The following SRGAP2C variants were observed in gnomAD, a reference collection of about 807,000 sequenced individuals.
SRGAP2C encodes SLIT-ROBO Rho GTPase activating protein 2C, also known as SLIT-ROBO Rho GTPase-activating protein 2C.
SRGAP2C carries 15 observed loss-of-function variants against 25.1 expected under a neutral mutation model. The ratio of observed to expected loss-of-function variants is 0.60; its 90% CI spans 0.40 to 0.92. The LOEUF (loss-of-function observed/expected upper bound fraction) is 0.92, where lower values mean the gene tolerates loss of function less well. Ranked by LOEUF, SRGAP2C falls within the 40% of genes least tolerant of loss-of-function variation. The pLI is 0.00. For synonymous variants in SRGAP2C, 44 were observed against 96.6 expected (o/e 0.46, Z 3.19); for missense variants, 144 against 264.4 (o/e 0.54, Z 3.16).
At chr1:121,268,362 T>C (rs587683399) in intron 2 of SRGAP2C, among the ~76,000 whole-genome samples, 2 of 151,604 alleles carry the variant, frequency 1.3e-5, no homozygotes, top group African/African-American at 4.8e-5. Flanking sequence ...GAGAGGCCAG[T>C]GTAGCTGGGG....
chr1:121,309,695 T>C (rs1307091610), intron 3 of SRGAP2C, among the ~76,000 whole-genome samples: 46 of 122,986 alleles, frequency 3.7e-4, no homozygotes, highest in African/African-American at 1.4e-3. Flanking sequence ...GTTCTTGCGA[T>C]AGTTTACTGA....
intron 3 of SRGAP2C, among the ~76,000 whole-genome samples, chr1:121,308,001 C>T (rs1553339649): frequency 6.6e-5 from 10 of 151,948 alleles, no homozygotes; most frequent in South Asian, 2.1e-4. Flanking sequence ...TGCTTTCAGG[C>T]GCCATTAGGC....
chr1:121,315,609 T>C (rs1288469428), intron 3 of SRGAP2C, among the ~76,000 whole-genome samples: 1 of 150,676 alleles, frequency 6.6e-6, no homozygotes, highest in African/African-American at 2.4e-5. Flanking sequence ...TATGCTGTAA[T>C]TTAGAGCACA....
intron 2 of SRGAP2C, among the ~76,000 whole-genome samples, chr1:121,237,373 C>T (rs587748066): frequency 4.3e-4 from 65 of 152,202 alleles, no homozygotes; most frequent in African/African-American, 1.5e-3. Flanking sequence ...TATGTGTTCG[C>T]TCCAGTCTTT....
intron 2 of SRGAP2C, among the ~76,000 whole-genome samples, chr1:121,260,595 C>T (rs1656605671): frequency 6.8e-6 from 1 of 146,680 alleles, no homozygotes; most frequent in Non-Finnish European, 1.5e-5. Context: ...TTATCGTCTT[C>T]TGAACTCCAT....
intron 2 of SRGAP2C, among the ~76,000 whole-genome samples, chr1:121,236,306 C>G (rs1432911334): frequency 2.8e-4 from 42 of 151,828 alleles, no homozygotes; most frequent in Middle Eastern, 6.8e-3. Flanking sequence ...CTCACTCTTA[C>G]AAAGATTCAT....
chr1:121,368,150 T>A (rs1659387122), intron 5 of SRGAP2C, among the ~76,000 whole-genome samples: 1 of 105,006 alleles, frequency 9.5e-6, no homozygotes, highest in African/African-American at 3.7e-5. Flanking sequence ...ATGCCCGTAA[T>A]CCCAGCACTT....
intron 2 of SRGAP2C, among the ~76,000 whole-genome samples, chr1:121,255,451 T>G (rs1485868432): frequency 6.6e-5 from 10 of 151,842 alleles, no homozygotes; most frequent in Non-Finnish European, 1.5e-4. Flanking sequence ...TTTCTATCCC[T>G]TCATTCCGTT....
chr1:121,329,744 G>A (rs1363866210), intron 4 of SRGAP2C, among the ~76,000 whole-genome samples: 10 of 151,342 alleles, frequency 6.6e-5, no homozygotes, highest in African/African-American at 1.2e-4. Context: ...TGTCTGCTGG[G>A]ACATATTTTA....
At chr1:121,385,790 C>A (rs1270894706) in intron 8 of SRGAP2C, among the ~76,000 whole-genome samples, 3 of 151,646 alleles carry the variant, frequency 2.0e-5, no homozygotes, top group African/African-American at 7.3e-5. Flanking sequence ...GACCTCATCC[C>A]ATAACCACAT....
intron 4 of SRGAP2C, among the ~76,000 whole-genome samples, chr1:121,347,309 G>A (rs1658771154): frequency 9.4e-6 from 1 of 106,186 alleles, no homozygotes; most frequent in South Asian, 4.0e-4. Flanking sequence ...GACAGGCATA[G>A]TTGTGACAAG....
At chr1:121,385,856 C>T (rs1659948182) in intron 8 of SRGAP2C, among the ~76,000 whole-genome samples, 1 of 150,600 alleles carries the variant, frequency 6.6e-6, no homozygotes, top group South Asian at 2.1e-4. Context: ...AGCTAATTGG[C>T]AATAATCCTT....
chr1:121,222,361 G>A (rs782201746), intron 2 of SRGAP2C, among the ~76,000 whole-genome samples: 24 of 152,088 alleles, frequency 1.6e-4, no homozygotes, highest in Non-Finnish European at 3.1e-4. Flanking sequence ...TGGCGCTGTG[G>A]CTCACACCTG....
intron 2 of SRGAP2C, among the ~76,000 whole-genome samples, chr1:121,274,699 T>G (rs1306113143): frequency 3.8e-4 from 33 of 87,822 alleles, no homozygotes; most frequent in Middle Eastern, 4.3e-3. Flanking sequence ...TTTGGTCTTT[T>G]CAGGAATTGT....
At chr1:121,360,916 G>T (rs1659177183) in intron 4 of SRGAP2C, 2 of 148,736 alleles carry the variant, frequency 1.3e-5, no homozygotes, top group Non-Finnish European at 1.5e-5. Flanking sequence ...AGTAGTGGTT[G>T]TTGGGGAGAT....
At chr1:121,228,998 G>T (rs1170069479) in intron 2 of SRGAP2C, among the ~76,000 whole-genome samples, 1 of 151,494 alleles carries the variant, frequency 6.6e-6, no homozygotes, top group Non-Finnish European at 1.5e-5. Flanking sequence ...TAACATCCCT[G>T]TTAAGATAGG....
chr1:121,385,961 C>T (rs1170375946), intron 8 of SRGAP2C, among the ~76,000 whole-genome samples: 7 of 149,686 alleles, frequency 4.7e-5, no homozygotes, highest in Admixed American at 4.7e-4. Flanking sequence ...AGATTCCATA[C>T]CCTCTCGGGC....
chr1:121,263,309 G>A (rs1418967900), intron 2 of SRGAP2C, among the ~76,000 whole-genome samples: 1 of 151,138 alleles, frequency 6.6e-6, no homozygotes, highest in Non-Finnish European at 1.5e-5. Flanking sequence ...GGGTGACAAA[G>A]CAAGACTCTG....
At chr1:121,191,959 GA>G (rs1330416476) in intron 2 of SRGAP2C, among the ~76,000 whole-genome samples, 1 of 148,790 alleles carries the variant, frequency 6.7e-6, no homozygotes. Flanking sequence ...AGCTGGAAGC[GA>G]AATTTTGTAA....
Sources: allele counts gnomAD v4.1 joint callset (sites outside exome capture counted in the v4.1 genomes callset), GRCh38; gene constraint gnomAD v4.1.1; transcripts MANE v1.5; gene names NCBI Gene and HGNC (gene_info 2026-07-23, HGNC 2026-07-21).